COG4: variants seen among roughly 807,000 people sequenced by gnomAD.
COG4 encodes conserved oligomeric Golgi complex subunit 4.
Under a neutral mutation model 95.1 loss-of-function variants are expected in COG4, and 65 were observed. The observed-to-expected ratio is 0.68, with a 90% CI of 0.56 to 0.84. The LOEUF (loss-of-function observed/expected upper bound fraction) is 0.84, where lower values mean the gene tolerates loss of function less well. Ranked by LOEUF, COG4 falls within the 40% of genes least tolerant of loss-of-function variation. COG4 has a pLI of 0.00. For synonymous variants in COG4, 421 were observed against 374.8 expected, an observed-to-expected ratio of 1.12 and a Z score of -1.42; for missense variants, 1,045 against 989.1, an observed-to-expected ratio of 1.06 and a Z score of -0.76.
At chr16:70,488,232 C>T (rs186940409) in intron 13 of COG4, among the ~76,000 whole-genome samples, 201 of 152,036 alleles carry the variant, frequency 1.3e-3, no homozygotes, top group Admixed American at 2.4e-3. Context: ...CTCCTGGGTT[C>T]AAGCAATTCT....
chr16:70,523,287 A>C, intron 1 of COG4, 86 bp downstream of exon 1: 4 of 1,514,040 alleles, frequency 2.6e-6, no homozygotes, highest in Non-Finnish European at 3.7e-6. Flanking sequence ...CCCAGCAAGG[A>C]GAGTTTCCCA....
In COG4 at chr16:70,481,875, G is replaced by C. The variant is rs771165671; in HGVS notation, c.2005-10C>G. The C allele has an allele frequency of 1.8e-5, 29 of 1,610,920 alleles. No individual in the cohort carries two copies. The highest frequency in any genetic ancestry group is 5.0e-5 in the Admixed American group (3 of 59,838). On this transcript the variant is annotated splice_polypyrimidine_tract_variant and intron_variant, in intron 16 of 18. Coordinates refer to ENST00000323786, the MANE Select transcript of COG4 (RefSeq NM_015386.3). ...CCGGGGACAGGCTGGCCTGCACACA[G>C]AGGGTTGACATCAGCCGAGCCCCAC...
rs772666025 is a variant in COG4, at chr16:70,499,173, AT to A, written c.1196-1119del. Among the ~76,000 whole-genome samples the A allele has an allele frequency of 9.7e-4, 147 of 152,328 alleles. 1 individual carries two copies. In the South Asian group the frequency reaches 0.013, roughly 14 times the overall value. ...GTGATGAACATAACTTAGGAACTGAATATTTTTTTTTTTATTAAATTTTTTT... is the reference window on the plus strand; with the variant it reads ...GTGATGAACATAACTTAGGAACTGAAATTTTTTTTTTTATTAAATTTTTTT... On this transcript the variant is annotated intron_variant, in intron 9 of 18. Transcript: ENST00000323786.
chr16:70,501,118 GGAC>G (rs2049440628), intron 8 of COG4, 27 bp from the exon 9 acceptor site: 5 of 1,609,396 alleles, frequency 3.1e-6, no homozygotes, highest in Non-Finnish European at 4.2e-6. Flanking sequence ...AGAAGGAATA[GGAC>G]GACAATGGAT....
In COG4 at chr16:70,481,469, CAA is replaced by C. The variant is rs759228679; in HGVS notation, c.2123_2124del (p.Phe708Ter). The C allele has an allele frequency of 6.2e-7, 1 of 1,612,534 alleles. No individual in the cohort carries two copies. The highest frequency in any genetic ancestry group is 1.1e-5 in the South Asian group (1 of 91,078). On this transcript the variant is annotated frameshift_variant, in exon 18 of 19. Transcript: ENST00000323786. LOFTEE classifies it high-confidence loss of function. ...STFNRLGGLQ[F>X]DKELRSLIAY... ...GCAATGAGCGACCTCAGCTCCTTGT[CAA>C]ACTGCAGACCACCCAGCTGCAGGAG...
chr16:70,487,050 G>C (rs1422334911), intron 13 of COG4, among the ~76,000 whole-genome samples: 1 of 151,616 alleles, frequency 6.6e-6, no homozygotes, highest in Non-Finnish European at 1.5e-5. Flanking sequence ...CAGCACTATG[G>C]GAGGCTGAGG....
chr16:70,510,018 C>T lies in COG4; in HGVS notation c.742G>A (p.Ala248Thr). Reference protein sequence around the residue: ...KFSEYLCKQVASKAEENLLMV... With the variant: ...KFSEYLCKQVTSKAEENLLMV... Reference sequence around the variant, plus strand: ...AGCAGATTCTCCTCAGCTTTACTGGCCACCTAAAAAAGGAGAAAACCCACA... The same window carrying T: ...AGCAGATTCTCCTCAGCTTTACTGGTCACCTAAAAAAGGAGAAAACCCACA... The change falls in exon 6 of 19, where the codon GCC (alanine) becomes ACC (threonine). Residue 248 changes from alanine (A) to threonine (T), a missense_variant. Ala to Thr is a moderately conservative substitution (Grantham distance 58). Transcript: ENST00000323786. 3.1e-6 allele frequency: 5 copies of T among 1,613,452 alleles called. No homozygotes were observed. Among genetic ancestry groups the T allele is most frequent in the Non-Finnish European group, 4.2e-6 (5 of 1,179,448 alleles).
At chr16:70,497,110 C>T in intron 11 of COG4, 111 bp downstream of exon 11, 1 of 1,072,698 alleles carries the variant, frequency 9.3e-7, no homozygotes, top group African/African-American at 1.6e-5. Context: ...AGCTGATGTC[C>T]TGTATAGAAC....
At chr16:70,482,433 G>A (rs2049017973) in intron 15 of COG4, 3 of 612,944 alleles carry the variant, frequency 4.9e-6, no homozygotes, top group East Asian at 5.5e-5. Flanking sequence ...TTGTTCTACA[G>A]GAATGAAATC....
intron 11 of COG4, 47 bp downstream of exon 11, chr16:70,497,174 C>G: frequency 6.3e-7 from 1 of 1,589,172 alleles, no homozygotes; most frequent in African/African-American, 1.3e-5. Context: ...CAGGAATCAA[C>G]AGGAAGGGCC....
chr16:70,485,596 T>G (rs566957449), intron 13 of COG4, among the ~76,000 whole-genome samples: 6 of 150,608 alleles, frequency 4.0e-5, no homozygotes, highest in East Asian at 1.9e-4. Flanking sequence ...TGTTTTTTTT[T>G]TTTTTTTGAG....
At position 70,481,880 on chromosome 16, in the gene COG4, T is replaced by C. The variant is rs777010510; in HGVS notation, c.2005-15A>G. 9 of 1,609,124 alleles carry C rather than the reference T, an allele frequency of 5.6e-6. No homozygotes were observed. The highest frequency in any genetic ancestry group is 5.9e-6 in the Non-Finnish European group (7 of 1,176,730). On this transcript the variant is annotated splice_polypyrimidine_tract_variant and intron_variant, in intron 16 of 18. Coordinates refer to ENST00000323786, the MANE Select transcript of COG4 (RefSeq NM_015386.3). ...GACAGGCTGGCCTGCACACAGAGGG[T>C]TGACATCAGCCGAGCCCCACCTAAC... is the stretch of plus-strand genomic sequence containing the variant.
chr16:70,483,970 C>G lies in COG4; in HGVS notation c.1711-1G>C, dbSNP rs2049072300. On this transcript the variant is annotated splice_acceptor_variant, in intron 13 of 18. Coordinates refer to ENST00000323786, the MANE Select transcript of COG4 (RefSeq NM_015386.3). LOFTEE classifies it high-confidence loss of function. ...GGCTGAAGAGCTTGGTGCAGTCACT[C>G]TAGGGGAGAACACTGCTGTAAGACC... is the stretch of plus-strand genomic sequence containing the variant. 1 of 1,609,066 alleles carries G rather than the reference C, an allele frequency of 6.2e-7. No individual in the cohort carries two copies. The highest frequency in any genetic ancestry group is 8.5e-7 in the Non-Finnish European group (1 of 1,177,492).
intron 13 of COG4, among the ~76,000 whole-genome samples, chr16:70,486,912 T>C (rs1356744071): frequency 2.3e-4 from 34 of 151,062 alleles, no homozygotes; most frequent in Non-Finnish European, 7.4e-5. Flanking sequence ...GGAGAATCGC[T>C]TGAATCCGGG....
chr16:70,499,448 T>C (rs1045772798), intron 9 of COG4, among the ~76,000 whole-genome samples: 12 of 152,224 alleles, frequency 7.9e-5, no homozygotes, highest in Admixed American at 5.2e-4. Flanking sequence ...CTGCCACATA[T>C]TATTGGCACA....
At chr16:70,520,569 T>G (rs1271399220) in intron 1 of COG4, among the ~76,000 whole-genome samples, 1 of 151,322 alleles carries the variant, frequency 6.6e-6, no homozygotes, top group African/African-American at 2.4e-5. Flanking sequence ...GAAGTGGAGG[T>G]TGCAGTGAGC....
intron 8 of COG4, among the ~76,000 whole-genome samples, chr16:70,507,818 T>C (rs1041844737): frequency 2.0e-5 from 3 of 149,734 alleles, no homozygotes; most frequent in East Asian, 4.0e-4. Flanking sequence ...GCCAAGATAA[T>C]GCTACTGCAC....
At chr16:70,482,974 TCTC>T (rs1386006328) in intron 14 of COG4, among the ~76,000 whole-genome samples, 153 bp from the exon 15 acceptor site, 1 of 115,348 alleles carries the variant, frequency 8.7e-6, no homozygotes, top group Non-Finnish European at 1.8e-5. Flanking sequence ...TTCTTCCTTC[TCTC>T]CTCTCCCCAC....
intron 3 of COG4, chr16:70,516,009 G>A (rs565427232): frequency 2.2e-6 from 1 of 456,020 alleles, no homozygotes; most frequent in East Asian, 7.0e-5. Context: ...AGGCTGAGAA[G>A]TTCCCCTCTA....
Sources: gnomAD v4.1 joint callset for allele counts (sites outside exome capture counted in the v4.1 genomes callset) on GRCh38, gnomAD v4.1.1 for gene constraint, MANE v1.5 for transcripts, NCBI Gene and HGNC (gene_info 2026-07-23, HGNC 2026-07-21) for gene names.